KNDC1: variants seen among roughly 807,000 people sequenced by gnomAD.
The protein encoded by KNDC1 is kinase non-catalytic C-lobe domain-containing protein 1.
KNDC1 carries 106 observed loss-of-function variants against 172.8 expected under a neutral mutation model. The observed-to-expected ratio is 0.61, with a 90% CI of 0.52 to 0.72. KNDC1 has a LOEUF of 0.72. KNDC1 is among the 30% of genes least tolerant of loss of function. The probability of loss-of-function intolerance (pLI) is 0.00; values close to 1 mark genes in which losing one functional copy is unlikely to be tolerated. For synonymous variants in KNDC1, 1,083 were observed against 1,062.2 expected (o/e 1.02, Z -0.38); for missense variants, 2,325 against 2,394.5 (o/e 0.97, Z 0.61).
At position 133,163,707 on chromosome 10, in the gene KNDC1, C is replaced by T. The variant is rs1853052736; in HGVS notation, c.102+3138C>T. ...TAACCCTGGCTCGAAGTCTGCCTGG[C>T]AGTGTGGCGGGGGGTGTGGGAGCTT... On this transcript the variant is annotated intron_variant, in intron 1 of 29. Coordinates refer to ENST00000304613, the MANE Select transcript of KNDC1 (RefSeq NM_152643.8). The surrounding 1 kb of genome is among the most constrained non-coding windows in gnomAD (Gnocchi z 4.4). Among the ~76,000 whole-genome samples the T allele has an allele frequency of 6.6e-6, 1 of 152,134 alleles. No homozygotes were observed. Among genetic ancestry groups the T allele is most frequent in the African/African-American group, 2.4e-5 (1 of 41,434 alleles).
Position 133,183,470 on chromosome 10 carries a change from G to C in KNDC1, c.487G>C (p.Gly163Arg), listed in dbSNP as rs569932237. 10 of 1,604,318 alleles carry C rather than the reference G, an allele frequency of 6.2e-6. No individual in the cohort carries two copies. The highest frequency in any genetic ancestry group is 7.6e-6 in the Non-Finnish European group (9 of 1,177,600). ...LLSRMQAEDPGDRPDLESIIA... is the reference protein window; with the variant it reads ...LLSRMQAEDPRDRPDLESIIA... ...GAGCCGGATGCAGGCGGAGGACCCCGGGGACCGGCCGGACCTTGAGGTAAG... is the reference window on the plus strand; with the variant it reads ...GAGCCGGATGCAGGCGGAGGACCCCCGGGACCGGCCGGACCTTGAGGTAAG... Residue 163 changes from glycine (G) to arginine (R), a missense_variant, in exon 4 of 30, where the codon GGG becomes CGG. Physicochemically the swap from Gly to Arg is moderately radical, Grantham distance 125. Coordinates refer to ENST00000304613, the MANE Select transcript of KNDC1 (RefSeq NM_152643.8).
Position 133,160,463 on chromosome 10 carries a change from G to C in KNDC1, c.-5G>C. ...CCCGGGGGCGGTGCGCGGCGCGGCC[G>C]CAGGATGCAGGCCATGGACCCGGCC... On this transcript the variant is annotated 5_prime_UTR_variant, in exon 1 of 30. Transcript: ENST00000304613. 6.6e-7 allele frequency: 1 copy of C among 1,522,172 alleles called. No individual in the cohort carries two copies. The highest frequency in any genetic ancestry group is 8.8e-7 in the Non-Finnish European group (1 of 1,134,820). The allele number at this position is 1,522,172 out of a possible 1,614,324, so 94.3% of individuals were successfully genotyped here. A position where few individuals can be genotyped will look rare whatever the true frequency, so the allele number is the denominator to read the frequency against.
intron 1 of KNDC1, 61 bp downstream of exon 1, chr10:133,160,630 C>CG: frequency 8.1e-7 from 1 of 1,233,674 alleles, no homozygotes; most frequent in Non-Finnish European, 1.1e-6. Context: ...GGAGAGCGCC[C>CG]GGGGGGAGGA....
chr10:133,185,452 G>C (rs1383272715), intron 5 of KNDC1, among the ~76,000 whole-genome samples: 22 of 144,970 alleles, frequency 1.5e-4, no homozygotes, highest in Admixed American at 3.4e-4. Flanking sequence ...GGAATAGGCA[G>C]TGTGTGCAGT....
chr10:133,210,455 T>G (rs921829045), intron 20 of KNDC1, among the ~76,000 whole-genome samples, 156 bp from the exon 21 acceptor site: 1 of 149,732 alleles, frequency 6.7e-6, no homozygotes, highest in African/African-American at 2.5e-5. Context: ...TTGAGGGTTA[T>G]CCATGTCCCC....
intron 9 of KNDC1, among the ~76,000 whole-genome samples, chr10:133,192,040 G>A (rs571322988): frequency 3.9e-5 from 6 of 152,260 alleles, no homozygotes; most frequent in Non-Finnish European, 7.3e-5. Flanking sequence ...CATGCTCACA[G>A]ATGGGCAGGA....
rs896116405 is a variant in KNDC1, at chr10:133,207,299, C to T, written c.3742C>T (p.Arg1248Cys). The T allele has an allele frequency of 1.2e-5, 19 of 1,612,820 alleles. No homozygotes were observed. The African/African-American group carries it at 1.5e-4, about 12-fold the overall frequency. Residue 1248 changes from arginine to cysteine, a missense_variant, in exon 20 of 30, where the codon CGC becomes TGC. By Grantham distance (180) the Arg-to-Cys change is radical. Coordinates refer to ENST00000304613, the MANE Select transcript of KNDC1 (RefSeq NM_152643.8). ...NKHPGGRQKA[R>C]ILQAGTPLGL... ...GCACCCGGGCGGCCGGCAGAAGGCC[C>T]GCATCCTGCAGGCCGGCACGCCGCT...
At chr10:133,188,386 T>G (rs948138807) in intron 6 of KNDC1, among the ~76,000 whole-genome samples, 153 bp from the exon 7 acceptor site, 3 of 152,074 alleles carry the variant, frequency 2.0e-5, no homozygotes, top group African/African-American at 7.2e-5. Context: ...GGAGTTGACT[T>G]AGGGACCTCC....
intron 17 of KNDC1, among the ~76,000 whole-genome samples, chr10:133,203,387 G>A (rs143257174): frequency 2.5e-4 from 38 of 152,362 alleles, no homozygotes; most frequent in South Asian, 1.2e-3. Flanking sequence ...ACAGCCTCAC[G>A]TTTCTCTTGG....
rs747955033 is a variant in KNDC1, at chr10:133,211,530, C to T, written c.4017C>T (p.Ser1339=). 4.5e-5 allele frequency: 72 copies of T among 1,613,868 alleles called. No individual in the cohort carries two copies. The Admixed American group carries it at 1.1e-3, about 24-fold the overall frequency. ...DCYAVDFPRN[S]GLLGKLEDFI... is the part of the protein sequence containing the mutation. ...ACGCTGTGGACTTCCCTCGGAACAG[C>T]GGGCTGCTGGGGAAGCTAGAGGACT... The change falls in exon 22 of 30, where the codon AGC becomes AGT. Residue 1339 remains serine (S), a synonymous_variant. Coordinates refer to ENST00000304613, the MANE Select transcript of KNDC1 (RefSeq NM_152643.8).
intron 26 of KNDC1, among the ~76,000 whole-genome samples, chr10:133,215,567 T>C (rs927578761): frequency 6.6e-6 from 1 of 152,240 alleles, no homozygotes; most frequent in Non-Finnish European, 1.5e-5. Flanking sequence ...GAAAATGCGA[T>C]TTCCCTAAAC....
At chr10:133,169,701 G>C (rs997100633) in intron 3 of KNDC1, among the ~76,000 whole-genome samples, 1 of 152,162 alleles carries the variant, frequency 6.6e-6, no homozygotes, top group Non-Finnish European at 1.5e-5. Flanking sequence ...GTGGCCTGGT[G>C]GCTGGGATGT....
At chr10:133,203,727 G>A (rs1028050284) in intron 17 of KNDC1, among the ~76,000 whole-genome samples, 4 of 152,238 alleles carry the variant, frequency 2.6e-5, no homozygotes, top group Admixed American at 2.0e-4. Flanking sequence ...TGTCTGCACC[G>A]GTGAAGCCTG....
At chr10:133,199,350 C>T in intron 14 of KNDC1, 84 bp downstream of exon 14, 2 of 1,560,626 alleles carry the variant, frequency 1.3e-6, no homozygotes, top group South Asian at 2.5e-5. Flanking sequence ...CACGCCCTTC[C>T]CCCAGCCCCC....
At chr10:133,166,694 G>T (rs1251405094) in intron 1 of KNDC1, among the ~76,000 whole-genome samples, 2 of 151,992 alleles carry the variant, frequency 1.3e-5, no homozygotes, top group Middle Eastern at 3.2e-3. Context: ...GGGGATGCGT[G>T]TGTCTGTGTG....
At chr10:133,166,988 G>C (rs1853182480) in intron 1 of KNDC1, among the ~76,000 whole-genome samples, 1 of 152,202 alleles carries the variant, frequency 6.6e-6, no homozygotes, top group Non-Finnish European at 1.5e-5. Flanking sequence ...TCCACAGTTG[G>C]GGATGTCCAC....
intron 29 of KNDC1, among the ~76,000 whole-genome samples, chr10:133,221,567 G>A (rs904504163): frequency 1.3e-5 from 2 of 152,106 alleles, no homozygotes; most frequent in African/African-American, 4.8e-5. Context: ...TCAGGTGGAG[G>A]CTGCCCAGGC....
intron 1 of KNDC1, among the ~76,000 whole-genome samples, chr10:133,165,108 A>T: frequency 6.6e-6 from 1 of 152,194 alleles, no homozygotes; most frequent in Middle Eastern, 3.2e-3. Flanking sequence ...TGTGAGCGGA[A>T]GCCCACCCTC....
rs1406658196 is a variant in KNDC1, at chr10:133,199,180, C to T, written c.2672C>T (p.Pro891Leu). 29 of 1,595,796 alleles carry T rather than the reference C, an allele frequency of 1.8e-5. No individual in the cohort carries two copies. Among genetic ancestry groups the T allele is most frequent in the Non-Finnish European group, 2.3e-5 (27 of 1,172,050 alleles). Residue 891 changes from proline to leucine, a missense_variant, in exon 14 of 30, where the codon CCG becomes CTG. Physicochemically the swap from Pro to Leu is moderately conservative, Grantham distance 98 (BLOSUM62 -3). Coordinates refer to ENST00000304613, the MANE Select transcript of KNDC1 (RefSeq NM_152643.8). Reference protein sequence around the residue: ...ASPLPGRTACPSLQEATRLIQ... With the variant: ...ASPLPGRTACLSLQEATRLIQ... ...CCACTCCCAGGGAGGACGGCCTGCC[C>T]GTCGCTGCAGGAGGCCACGCGCCTC...
Sources: gnomAD v4.1 joint callset for allele counts (sites outside exome capture counted in the v4.1 genomes callset) on GRCh38, gnomAD v4.1.1 for gene constraint, Gnocchi (gnomAD v3.1) non-coding constraint, MANE v1.5 for transcripts, NCBI Gene and HGNC (gene_info 2026-07-23, HGNC 2026-07-21) for gene names.